Variants in NEK11 observed in about 807,000 individuals in gnomAD.
NEK11 encodes NIMA related kinase 11.
In NEK11, 72 loss-of-function variants were observed where a neutral mutation model predicts 80.7. The observed-to-expected ratio is 0.89, with a 90% CI of 0.74 to 1.08. NEK11 has a LOEUF of 1.08. Among genes scored for constraint, NEK11 ranks in the 50% least tolerant of loss-of-function variants. The pLI is 0.00. For synonymous variants in NEK11, 251 were observed against 260.7 expected, an observed-to-expected ratio of 0.96 and a Z score of 0.36; for missense variants, 764 against 763.6, an observed-to-expected ratio of 1.00 and a Z score of -0.01.
At chr3:131,170,020 T>G (rs1371244929) in intron 13 of NEK11, among the ~76,000 whole-genome samples, 1 of 152,216 alleles carries the variant, frequency 6.6e-6, no homozygotes, top group East Asian at 1.9e-4. Context: ...AATACCGCAC[T>G]GCAGTGTGGC....
In NEK11 at chr3:131,349,385, A is replaced by T. The variant is rs992987304; in HGVS notation, c.1719-172A>T. ...GGCACATAATAGACATTGAGGCATT[A>T]TTTGTTGAATACTGTTAAATGTTTA... On this transcript the variant is annotated intron_variant, in intron 17 of 17. Transcript: ENST00000383366. Among the ~76,000 whole-genome samples the T allele has an allele frequency of 2.0e-5, 3 of 152,128 alleles. No individual in the cohort carries two copies. In the East Asian group the frequency reaches 5.8e-4, roughly 29 times the overall value.
At chr3:131,224,747 T>A (rs2095139095) in intron 14 of NEK11, among the ~76,000 whole-genome samples, 1 of 152,114 alleles carries the variant, frequency 6.6e-6, no homozygotes, top group South Asian at 2.1e-4. Context: ...CCTGACGCTG[T>A]GTAGCAGTAG....
At chr3:131,167,018 C>G (rs2092298451) in intron 12 of NEK11, among the ~76,000 whole-genome samples, 1 of 152,180 alleles carries the variant, frequency 6.6e-6, no homozygotes, top group Non-Finnish European at 1.5e-5. Flanking sequence ...TATAAGAATT[C>G]CGAGTTTGTT....
At chr3:131,316,781 C>T (rs997716653) in intron 17 of NEK11, among the ~76,000 whole-genome samples, 4 of 152,140 alleles carry the variant, frequency 2.6e-5, no homozygotes, top group African/African-American at 9.7e-5. Flanking sequence ...ATATTCCTCT[C>T]AACTTCAGCT....
intron 14 of NEK11, among the ~76,000 whole-genome samples, chr3:131,186,219 T>C (rs1334669966): frequency 6.6e-6 from 1 of 152,240 alleles, no homozygotes; most frequent in African/African-American, 2.4e-5. Flanking sequence ...CTTCACTATA[T>C]GAATTAAGAA....
intron 17 of NEK11, among the ~76,000 whole-genome samples, chr3:131,340,415 GATAA>G (rs1310788110): frequency 6.6e-6 from 1 of 152,104 alleles, no homozygotes; most frequent in Non-Finnish European, 1.5e-5. Context: ...ATTAGATAGA[GATAA>G]ATAATTAGAG....
chr3:131,254,769 C>T (rs2095772776), intron 16 of NEK11, among the ~76,000 whole-genome samples: 1 of 152,126 alleles, frequency 6.6e-6, no homozygotes, highest in African/African-American at 2.4e-5. Flanking sequence ...TCTGTAATCC[C>T]AGCACTTTGG....
In NEK11 at chr3:131,152,661, A is replaced by G; in HGVS notation, c.828A>G (p.Pro276=). 1 of 1,613,838 alleles carries G rather than the reference A, an allele frequency of 6.2e-7. No homozygotes were observed. The highest frequency in any genetic ancestry group is 1.1e-5 in the South Asian group (1 of 91,032). Residue 276 remains proline, a synonymous_variant, in exon 9 of 18, where the codon CCA becomes CCG. Transcript: ENST00000383366. ...SMLNKNPSLR[P]SAIEILKIPY... is the part of the protein sequence containing the mutation. ...TGAACAAGAATCCTTCATTAAGACCATCTGCTATCGAAATTTTAAAAATCC... is the reference window on the plus strand; with the variant it reads ...TGAACAAGAATCCTTCATTAAGACCGTCTGCTATCGAAATTTTAAAAATCC...
chr3:131,182,964 T>C (rs778411111), intron 14 of NEK11, among the ~76,000 whole-genome samples: 4 of 152,216 alleles, frequency 2.6e-5, no homozygotes, highest in African/African-American at 4.8e-5. Flanking sequence ...CATTTTAAGA[T>C]ATAATAATTT....
At chr3:131,193,868 A>T (rs1024269267) in intron 14 of NEK11, among the ~76,000 whole-genome samples, 2 of 152,200 alleles carry the variant, frequency 1.3e-5, no homozygotes, top group African/African-American at 2.4e-5. Flanking sequence ...TGGCTCCAGC[A>T]TTCACTAGGC....
intron 3 of NEK11, among the ~76,000 whole-genome samples, chr3:131,065,572 T>C (rs191545648): frequency 6.6e-6 from 1 of 152,324 alleles, no homozygotes; most frequent in African/African-American, 2.4e-5. Flanking sequence ...TCACATACTG[T>C]TTCATATTGA....
At chr3:131,093,556 A>G (rs930162365) in intron 4 of NEK11, among the ~76,000 whole-genome samples, 3 of 152,108 alleles carry the variant, frequency 2.0e-5, no homozygotes, top group Non-Finnish European at 4.4e-5. Context: ...AGCTAGGATT[A>G]CAGGCGTGTG....
intron 14 of NEK11, among the ~76,000 whole-genome samples, chr3:131,194,250 ATAGT>A (rs1197473993): frequency 6.6e-6 from 1 of 152,192 alleles, no homozygotes; most frequent in African/African-American, 2.4e-5. Flanking sequence ...GTAAAGATAT[ATAGT>A]TATTTTTAGT....
chr3:131,174,868 T>C, intron 14 of NEK11: 1 of 1,551,112 alleles, frequency 6.4e-7, no homozygotes, highest in Non-Finnish European at 8.7e-7. Flanking sequence ...TACCCCACCA[T>C]TCAGATGTGG....
rs143002566 is a variant in NEK11 at position 131,197,280 on chromosome 3, C to T, written c.1399+26393C>T. ...CTAACTGCTTCCTGCTGAATTGGGGCGTAGTGGGGGTTATGCAGTTGAGAT... is the reference window on the plus strand; with the variant it reads ...CTAACTGCTTCCTGCTGAATTGGGGTGTAGTGGGGGTTATGCAGTTGAGAT... On this transcript the variant is annotated intron_variant, in intron 14 of 17. Coordinates refer to ENST00000383366, the MANE Select transcript of NEK11 (RefSeq NM_024800.5). Among the ~76,000 whole-genome samples, 360 of 152,132 alleles carry T rather than the reference C, an allele frequency of 2.4e-3. 1 individual carries two copies. The highest frequency in any genetic ancestry group is 3.9e-3 in the Admixed American group (60 of 15,274).
intron 17 of NEK11, among the ~76,000 whole-genome samples, chr3:131,339,962 G>C (rs955531682): frequency 6.6e-6 from 1 of 152,198 alleles, no homozygotes; most frequent in Non-Finnish European, 1.5e-5. Context: ...CCAAAGGCGT[G>C]AGCAATGCAA....
At chr3:131,209,969 G>A (rs1024169737) in intron 14 of NEK11, among the ~76,000 whole-genome samples, 1 of 151,954 alleles carries the variant, frequency 6.6e-6, no homozygotes, top group Non-Finnish European at 1.5e-5. Context: ...AGGTTTTTTT[G>A]TGTCTCTAGC....
chr3:131,132,999 C>T (rs115850852), intron 6 of NEK11, among the ~76,000 whole-genome samples, 190 bp downstream of exon 6: 1 of 152,130 alleles, frequency 6.6e-6, no homozygotes, highest in African/African-American at 2.4e-5. Context: ...ATGGGCCCAA[C>T]AAAACCTAAT....
chr3:131,130,514 T>C (rs974216449), intron 5 of NEK11, among the ~76,000 whole-genome samples: 2 of 152,172 alleles, frequency 1.3e-5, no homozygotes, highest in African/African-American at 4.8e-5. Context: ...CCCTTGTTCC[T>C]GATATCAGCA....
Sources: gnomAD v4.1 joint callset for allele counts (sites outside exome capture counted in the v4.1 genomes callset) on GRCh38, gnomAD v4.1.1 for gene constraint, MANE v1.5 for transcripts, NCBI Gene and HGNC (gene_info 2026-07-23, HGNC 2026-07-21) for gene names.